MGAT4C: variants seen among roughly 807,000 people sequenced by gnomAD.
MGAT4C encodes alpha-1,3-mannosyl-glycoprotein 4-beta-N-acetylglucosaminyltransferase C.
Under a neutral mutation model 40.1 loss-of-function variants are expected in MGAT4C, and 19 were observed. That is an observed-to-expected ratio of 0.47 (90% confidence interval 0.33 to 0.70). The LOEUF is 0.70. Ranked by LOEUF, MGAT4C falls within the 30% of genes least tolerant of loss-of-function variation. The pLI is 0.02. For synonymous variants in MGAT4C, 181 were observed against 187.1 expected, an observed-to-expected ratio of 0.97 and a Z score of 0.27; for missense variants, 491 against 563.2, an observed-to-expected ratio of 0.87 and a Z score of 1.30.
At chr12:86,104,529 G>A (rs1312843173) in intron 1 of MGAT4C, among the ~76,000 whole-genome samples, 1 of 152,128 alleles carries the variant, frequency 6.6e-6, no homozygotes, top group African/African-American at 2.4e-5. Context: ...GATTTCTGGG[G>A]AGCAGGAGAT....
intron 2 of MGAT4C, among the ~76,000 whole-genome samples, chr12:86,436,984 T>C (rs1253707464): frequency 6.6e-6 from 1 of 151,786 alleles, no homozygotes; most frequent in African/African-American, 2.4e-5. Context: ...ATAAGCTAAA[T>C]ATCTCCACTT....
At chr12:86,803,814 G>A (rs201814609) in intron 1 of MGAT4C, among the ~76,000 whole-genome samples, 4,258 of 150,380 alleles carry the variant, frequency 0.028, 168 homozygotes, top group African/African-American at 0.09. Flanking sequence ...TTACACTGTT[G>A]GTGGGACTGT....
In MGAT4C at chr12:85,972,574, T is replaced by G. The variant is rs1883677335; in HGVS notation, c.*6715A>C. 1 of 151,092 alleles carries G rather than the reference T, an allele frequency of 6.6e-6. No individual in the cohort carries two copies. The highest frequency in any genetic ancestry group is 1.5e-5 in the Non-Finnish European group (1 of 67,236). The allele number at this position is 151,092 out of a possible 1,614,324, so 9.4% of individuals were successfully genotyped here. A position where few individuals can be genotyped will look rare whatever the true frequency, so the allele number is the denominator to read the frequency against. ...ATAGTTTACATTACCGAGTTTATTT[T>G]CTAAGGGTAGTGAATAACTCCTGAC... On this transcript the variant is annotated 3_prime_UTR_variant, in exon 5 of 5. Transcript: ENST00000611864.
chr12:86,095,957 T>A (rs1873838370), intron 1 of MGAT4C, among the ~76,000 whole-genome samples: 1 of 151,850 alleles, frequency 6.6e-6, no homozygotes, highest in African/African-American at 2.4e-5. Flanking sequence ...GCCTAAAGGG[T>A]AGAGCTCATT....
At chr12:86,395,146 T>A (rs1192232927) in intron 3 of MGAT4C, among the ~76,000 whole-genome samples, 1 of 152,136 alleles carries the variant, frequency 6.6e-6, no homozygotes, top group Non-Finnish European at 1.5e-5. Flanking sequence ...TGGAACATAA[T>A]AAATGACTTT....
At chr12:86,830,716 GAAACAAAC>G (rs3050182) in intron 1 of MGAT4C, among the ~76,000 whole-genome samples, 47,496 of 149,548 alleles carry the variant, frequency 0.32, 8,280 homozygotes, top group Admixed American at 0.42. Flanking sequence ...GGCTCCTAAT[GAAACAAAC>G]AAACAAACAA....
At chr12:86,316,090 A>C (rs1207068937) in intron 4 of MGAT4C, among the ~76,000 whole-genome samples, 1 of 147,766 alleles carries the variant, frequency 6.8e-6, no homozygotes, top group African/African-American at 2.5e-5. Flanking sequence ...AAAAAAAAAA[A>C]AAAAAAAAAA....
At chr12:86,770,169 A>G (rs926225563) in intron 1 of MGAT4C, among the ~76,000 whole-genome samples, 1 of 152,056 alleles carries the variant, frequency 6.6e-6, no homozygotes, top group African/African-American at 2.4e-5. Context: ...GAACGTTAGT[A>G]TTCTATGAAC....
chr12:86,190,698 C>T (rs1165026051), intron 1 of MGAT4C, among the ~76,000 whole-genome samples: 1 of 151,936 alleles, frequency 6.6e-6, no homozygotes, highest in Non-Finnish European at 1.5e-5. Context: ...TATTACACAT[C>T]AATTTGGCTA....
intron 3 of MGAT4C, among the ~76,000 whole-genome samples, chr12:86,413,817 C>G (rs1956652487): frequency 6.6e-6 from 1 of 152,064 alleles, no homozygotes; most frequent in South Asian, 2.1e-4. Context: ...TATTGGCATA[C>G]TTAAAACCAG....
intron 1 of MGAT4C, among the ~76,000 whole-genome samples, chr12:86,179,876 A>G (rs2135861944): frequency 6.6e-6 from 1 of 152,364 alleles, no homozygotes; most frequent in Non-Finnish European, 1.5e-5. Flanking sequence ...TTTTTTGAGG[A>G]GAATTTCAAG....
intron 1 of MGAT4C, among the ~76,000 whole-genome samples, chr12:86,150,123 G>A (rs1884088687): frequency 6.6e-6 from 1 of 152,140 alleles, no homozygotes; most frequent in Non-Finnish European, 1.5e-5. Context: ...CTCATAAGAA[G>A]TACACAACCT....
intron 3 of MGAT4C, among the ~76,000 whole-genome samples, chr12:86,368,127 T>C (rs10776967): frequency 0.87 from 132,253 of 152,104 alleles, 57,605 homozygotes; most frequent in East Asian, 1. Flanking sequence ...TAATATGGGG[T>C]AAATTAGGAA....
chr12:86,066,065 C>T (rs535546151), intron 1 of MGAT4C, among the ~76,000 whole-genome samples: 2 of 152,204 alleles, frequency 1.3e-5, no homozygotes, highest in East Asian at 1.9e-4. Flanking sequence ...AGAGATGACA[C>T]AAACAAATGA....
intron 1 of MGAT4C, among the ~76,000 whole-genome samples, chr12:86,731,442 T>C (rs367793742): frequency 6.6e-6 from 1 of 152,138 alleles, no homozygotes; most frequent in East Asian, 1.9e-4. Flanking sequence ...TGACCTAAAA[T>C]AGTAATTTTT....
chr12:86,312,323 C>T (rs1422602024), intron 4 of MGAT4C, among the ~76,000 whole-genome samples: 1 of 152,224 alleles, frequency 6.6e-6, no homozygotes, highest in African/African-American at 2.4e-5. Context: ...CCGCATTACA[C>T]TCTACCCCAA....
intron 2 of MGAT4C, among the ~76,000 whole-genome samples, chr12:86,612,790 A>G (rs1005864211): frequency 1.3e-5 from 2 of 151,840 alleles, no homozygotes; most frequent in Admixed American, 6.6e-5. Context: ...CCCTGCACCA[A>G]ATTAAGCTGT....
chr12:86,777,729 G>T (rs1454911236), intron 1 of MGAT4C, among the ~76,000 whole-genome samples: 3 of 152,152 alleles, frequency 2.0e-5, no homozygotes, highest in Non-Finnish European at 4.4e-5. Context: ...AAGTTGATTG[G>T]CTACTCCTGG....
chr12:86,272,756 C>T (rs1225526503), intron 4 of MGAT4C, among the ~76,000 whole-genome samples: 1 of 152,090 alleles, frequency 6.6e-6, no homozygotes, highest in African/African-American at 2.4e-5. Context: ...GGAGGCTGCA[C>T]TGGGAGGGTC....
Sources: gnomAD v4.1 joint callset for allele counts (sites outside exome capture counted in the v4.1 genomes callset) on GRCh38, gnomAD v4.1.1 for gene constraint, MANE v1.5 for transcripts, NCBI Gene and HGNC (gene_info 2026-07-23, HGNC 2026-07-21) for gene names.